WSCD1: variants seen among roughly 807,000 people sequenced by gnomAD.
The protein encoded by WSCD1 is WSC domain sialate O sulfotransferase 1, also known as sialate:O-sulfotransferase 1.
A neutral mutation model predicts 60.4 loss-of-function variants in WSCD1; 41 were observed. The observed-to-expected ratio is 0.68, with a 90% CI of 0.53 to 0.88. The LOEUF is 0.88. WSCD1 is among the 40% of genes least tolerant of loss of function. The pLI is 0.00. For missense variants in WSCD1, 784 were observed against 796.2 expected, an observed-to-expected ratio of 0.98 and a Z score of 0.18; for synonymous variants, 361 against 332.5, an observed-to-expected ratio of 1.09 and a Z score of -0.93.
Position 6,080,548 on chromosome 17 carries a change from T to TGCCAGGA in WSCD1, c.-103_-97dup. ...GTGACCCCAGGCGAGCACAGGCAGGTGCCAGGAGCCAGGATGCAAGGATGA... is the reference window on the plus strand; with the variant it reads ...GTGACCCCAGGCGAGCACAGGCAGGTGCCAGGAGCCAGGAGCCAGGATGCAAGGATGA... On this transcript the variant is annotated 5_prime_UTR_variant, in exon 2 of 9. The change creates a new upstream start codon in the 5' untranslated region. Coordinates refer to ENST00000317744, the MANE Select transcript of WSCD1 (RefSeq NM_015253.2). The surrounding 1 kb of genome is among the most constrained non-coding windows in gnomAD (Gnocchi z 6.6). 1 of 1,169,170 alleles carries TGCCAGGA rather than the reference T, an allele frequency of 8.6e-7. No homozygotes were observed. Among genetic ancestry groups the TGCCAGGA allele is most frequent in the South Asian group, 1.4e-5 (1 of 71,322 alleles). The allele number at this position is 1,169,170 out of a possible 1,614,324, so 72.4% of individuals were successfully genotyped here.
chr17:6,072,173 G>A (rs1430934025), intron 1 of WSCD1, among the ~76,000 whole-genome samples: 1 of 152,248 alleles, frequency 6.6e-6, no homozygotes, highest in Non-Finnish European at 1.5e-5. Context: ...GTGGCCTGTG[G>A]CATGTCTGGT....
At chr17:6,092,338 G>T (rs1040277990) in intron 4 of WSCD1, among the ~76,000 whole-genome samples, 1 of 152,030 alleles carries the variant, frequency 6.6e-6, no homozygotes, top group Admixed American at 6.6e-5. Context: ...GAGCTGCTCC[G>T]TGTTTGACCC....
intron 2 of WSCD1, among the ~76,000 whole-genome samples, chr17:6,086,623 G>A (rs1460270845): frequency 1.3e-5 from 2 of 152,126 alleles, no homozygotes; most frequent in African/African-American, 2.4e-5. Context: ...CAAAGTGCTG[G>A]CATTATAGGT....
At position 6,118,160 on chromosome 17, in the gene WSCD1, T is replaced by C; in HGVS notation, c.1347T>C (p.Tyr449=). The C allele has an allele frequency of 2.5e-6, 4 of 1,614,118 alleles. No homozygotes were observed. The Admixed American group carries it at 6.7e-5, about 27-fold the overall frequency. ...FNRKCAGHLG[Y]AADRNWKSKE... The stretch of plus-strand genomic sequence containing the variant: ...GAAAATGTGCCGGGCACCTGGGATA[T>C]GCAGCTGACCGCAACTGGAAGAGCA... The change falls in exon 8 of 9, where the codon TAT becomes TAC. Residue 449 remains tyrosine, a synonymous_variant. Transcript: ENST00000317744. The surrounding 1 kb of genome is among the most constrained non-coding windows in gnomAD (Gnocchi z 5.8).
chr17:6,119,653 C>T (rs752021830), intron 8 of WSCD1, among the ~76,000 whole-genome samples: 12 of 152,142 alleles, frequency 7.9e-5, no homozygotes, highest in African/African-American at 2.7e-4. Flanking sequence ...CCTCCTCTGC[C>T]TCTTATGAGC....
intron 5 of WSCD1, among the ~76,000 whole-genome samples, chr17:6,102,178 T>G (rs1910847616): frequency 6.6e-6 from 1 of 152,256 alleles, no homozygotes; most frequent in Admixed American, 6.5e-5. Context: ...GTTTGGCCAT[T>G]TAATGGTGGT....
chr17:6,121,902 C>T lies in WSCD1; in HGVS notation c.*1241C>T, dbSNP rs1043062504. On this transcript the variant is annotated 3_prime_UTR_variant, in exon 9 of 9. Coordinates refer to ENST00000317744, the MANE Select transcript of WSCD1 (RefSeq NM_015253.2). ...GTAGGAGTGCAACCCAGGAGCAACG[C>T]TCAAGGTGGCCGAGATGCAGGGAGG... The T allele has an allele frequency of 2.6e-5, 4 of 152,374 alleles. No individual in the cohort carries two copies. Among genetic ancestry groups the T allele is most frequent in the Non-Finnish European group, 4.4e-5 (3 of 68,186 alleles). 9.4% of individuals were successfully genotyped at this position (152,374 alleles called of 1,614,324 possible).
chr17:6,092,020 G>C (rs1415482070), intron 4 of WSCD1, among the ~76,000 whole-genome samples: 1 of 152,242 alleles, frequency 6.6e-6, no homozygotes, highest in East Asian at 1.9e-4. Context: ...CGGATGTGGT[G>C]GCAGGTGCCT....
At chr17:6,112,321 A>G (rs1424653233) in intron 7 of WSCD1, among the ~76,000 whole-genome samples, 4 of 152,246 alleles carry the variant, frequency 2.6e-5, no homozygotes, top group African/African-American at 7.2e-5. Flanking sequence ...AATGAAGGCC[A>G]TATGTGAAAA....
intron 7 of WSCD1, among the ~76,000 whole-genome samples, chr17:6,115,078 C>G (rs746396348): frequency 6.6e-6 from 1 of 152,050 alleles, no homozygotes; most frequent in African/African-American, 2.4e-5. Context: ...TGGTCCTGGC[C>G]CACACCCCTG....
intron 5 of WSCD1, among the ~76,000 whole-genome samples, chr17:6,103,237 G>A (rs1465709571): frequency 6.6e-6 from 1 of 152,314 alleles, no homozygotes; most frequent in Non-Finnish European, 1.5e-5. Flanking sequence ...TGTGATTTAT[G>A]TTTTGGGGTG....
At chr17:6,095,517 T>C (rs902431543) in intron 5 of WSCD1, among the ~76,000 whole-genome samples, 1 of 152,198 alleles carries the variant, frequency 6.6e-6, no homozygotes, top group South Asian at 2.1e-4. Context: ...AGATGTTAAA[T>C]TGACTTGGTT....
chr17:6,084,697 C>A (rs889084007), intron 2 of WSCD1: 2 of 152,144 alleles, frequency 1.3e-5, no homozygotes, highest in South Asian at 2.1e-4. Flanking sequence ...TCAAAGCCGT[C>A]GTTACTAGCC....
At chr17:6,083,829 G>C (rs1381677647) in intron 2 of WSCD1, among the ~76,000 whole-genome samples, 1 of 152,082 alleles carries the variant, frequency 6.6e-6, no homozygotes, top group East Asian at 1.9e-4. Flanking sequence ...GACCAGCAGA[G>C]GGGAGGGCTC....
rs1911322747 is a variant in WSCD1, at chr17:6,110,068, GA to G, written c.1009+305del. On this transcript the variant is annotated intron_variant, in intron 6 of 8. Coordinates refer to ENST00000317744, the MANE Select transcript of WSCD1 (RefSeq NM_015253.2). The surrounding 1 kb of genome is among the most constrained non-coding windows in gnomAD (Gnocchi z 4.8). The stretch of plus-strand genomic sequence containing the variant: ...GGCAGGTCCTAGAGAGATAGCAACA[GA>G]AAGGTGGTAGGATTGGGAGGCGTGG... Among the ~76,000 whole-genome samples the G allele has an allele frequency of 6.6e-6, 1 of 152,162 alleles. No individual in the cohort carries two copies. Among genetic ancestry groups the G allele is most frequent in the Admixed American group, 6.5e-5 (1 of 15,278 alleles).
At chr17:6,078,828 C>T (rs1172124770) in intron 1 of WSCD1, among the ~76,000 whole-genome samples, 1 of 151,986 alleles carries the variant, frequency 6.6e-6, no homozygotes, top group Non-Finnish European at 1.5e-5. Context: ...ATTGGAGGGT[C>T]CAAAGCTGGA....
intron 1 of WSCD1, among the ~76,000 whole-genome samples, chr17:6,078,487 G>A (rs1481046708): frequency 6.6e-6 from 1 of 152,194 alleles, no homozygotes; most frequent in Non-Finnish European, 1.5e-5. Context: ...CATAAATAAA[G>A]GGTAGCTTGT....
chr17:6,081,626 G>C (rs964458103), intron 2 of WSCD1, among the ~76,000 whole-genome samples: 2 of 151,806 alleles, frequency 1.3e-5, no homozygotes, highest in Non-Finnish European at 2.9e-5. Context: ...TACCAGAATC[G>C]CTGGAATCTG....
At chr17:6,097,954 T>TC (rs200165233) in intron 5 of WSCD1, among the ~76,000 whole-genome samples, 48,574 of 146,848 alleles carry the variant, frequency 0.33, 9,541 homozygotes, top group African/African-American at 0.57. Flanking sequence ...AGTTCTTTCT[T>TC]TTTTTTTTTT....
Sources: allele counts gnomAD v4.1 joint callset (sites outside exome capture counted in the v4.1 genomes callset), GRCh38; gene constraint gnomAD v4.1.1; non-coding constraint Gnocchi (gnomAD v3.1); transcripts MANE v1.5; gene names NCBI Gene and HGNC (gene_info 2026-07-23, HGNC 2026-07-21).